The following CACNB2 variants were observed in gnomAD, a reference collection of about 807,000 sequenced individuals.
CACNB2 encodes the protein voltage-dependent L-type calcium channel subunit beta-2.
CACNB2 carries 42 observed loss-of-function variants against 73.3 expected under a neutral mutation model. The observed-to-expected ratio is 0.57, with a 90% confidence interval of 0.45 to 0.74. CACNB2 has a LOEUF of 0.74. Ranked by LOEUF, CACNB2 falls within the 30% of genes least tolerant of loss-of-function variation. The pLI is 0.00. For synonymous variants in CACNB2, 348 were observed against 310.3 expected, an observed-to-expected ratio of 1.12 and a Z score of -1.28; for missense variants, 940 against 853.0, an observed-to-expected ratio of 1.10 and a Z score of -1.27.
chr10:18,505,599 C>T (rs2050445221), intron 5 of CACNB2, among the ~76,000 whole-genome samples: 2 of 152,116 alleles, frequency 1.3e-5, no homozygotes, highest in African/African-American at 2.4e-5. Context: ...TCAACTAGAC[C>T]CTGGCTCGGC....
intron 6 of CACNB2, among the ~76,000 whole-genome samples, chr10:18,508,382 G>A (rs959475146): frequency 1.3e-5 from 2 of 152,292 alleles, no homozygotes; most frequent in South Asian, 4.1e-4. Flanking sequence ...AATCCACAGA[G>A]GAAGGGAGGC....
At chr10:18,340,909 A>C in intron 2 of CACNB2, 2 of 1,614,138 alleles carry the variant, frequency 1.2e-6, no homozygotes, top group Non-Finnish European at 1.7e-6. Context: ...TGCTGGGCGC[A>C]CTTGGAATTG....
At chr10:18,321,105 A>T (rs1282346949) in intron 2 of CACNB2, among the ~76,000 whole-genome samples, 3 of 152,246 alleles carry the variant, frequency 2.0e-5, no homozygotes, top group African/African-American at 7.2e-5. Context: ...GAAACAGAGA[A>T]TTGAGAAAGC....
chr10:18,456,524 T>C (rs1184916480), intron 3 of CACNB2, among the ~76,000 whole-genome samples: 1 of 152,086 alleles, frequency 6.6e-6, no homozygotes, highest in Non-Finnish European at 1.5e-5. Context: ...AGCGCCAAGA[T>C]ATAGTGCTAA....
chr10:18,469,146 G>A (rs1008632226), intron 3 of CACNB2, among the ~76,000 whole-genome samples: 5 of 152,142 alleles, frequency 3.3e-5, no homozygotes, highest in Admixed American at 3.3e-4. Flanking sequence ...AGGCTGAGGT[G>A]GGAGGATTGC....
intron 6 of CACNB2, among the ~76,000 whole-genome samples, chr10:18,508,550 C>A (rs1344641057): frequency 6.6e-6 from 1 of 152,204 alleles, no homozygotes; most frequent in African/African-American, 2.4e-5. Flanking sequence ...AGCAGCAGTT[C>A]TGCCTGCAAA....
At chr10:18,402,475 G>A (rs964739550) in intron 3 of CACNB2, among the ~76,000 whole-genome samples, 2 of 150,744 alleles carry the variant, frequency 1.3e-5, no homozygotes, top group African/African-American at 4.9e-5. Flanking sequence ...TTACTTCATA[G>A]GTGTTTTATG....
chr10:18,229,360 T>A (rs2036138556), intron 2 of CACNB2, among the ~76,000 whole-genome samples: 2 of 152,200 alleles, frequency 1.3e-5, no homozygotes, highest in Non-Finnish European at 2.9e-5. Flanking sequence ...GTATTTCTGC[T>A]TGGGAAAATA....
At chr10:18,347,323 G>T (rs1159645838) in intron 2 of CACNB2, among the ~76,000 whole-genome samples, 1 of 148,884 alleles carries the variant, frequency 6.7e-6, no homozygotes, top group East Asian at 2.0e-4. Context: ...GACTACAGGC[G>T]CATGCCGCCA....
intron 2 of CACNB2, among the ~76,000 whole-genome samples, chr10:18,258,347 T>C (rs1214623195): frequency 1.3e-5 from 2 of 152,226 alleles, no homozygotes; most frequent in Non-Finnish European, 2.9e-5. Context: ...AGTGTTTTCA[T>C]CTTATTCTAA....
chr10:18,418,215 C>T (rs538254011), intron 3 of CACNB2, among the ~76,000 whole-genome samples: 2 of 152,298 alleles, frequency 1.3e-5, no homozygotes, highest in Non-Finnish European at 2.9e-5. Flanking sequence ...GTTGGGACTA[C>T]AGGCGCACGC....
intron 2 of CACNB2, among the ~76,000 whole-genome samples, chr10:18,198,040 A>C (rs2034705581): frequency 6.8e-6 from 1 of 148,096 alleles, no homozygotes; most frequent in South Asian, 2.1e-4. Context: ...TAATATACAG[A>C]AAATATACAT....
At chr10:18,473,682 C>T (rs940231956) in intron 3 of CACNB2, among the ~76,000 whole-genome samples, 7 of 152,078 alleles carry the variant, frequency 4.6e-5, no homozygotes, top group Non-Finnish European at 7.3e-5. Flanking sequence ...ATCAGTCACC[C>T]GGAGAATTCA....
chr10:18,448,018 G>T (rs1385305763), intron 3 of CACNB2, among the ~76,000 whole-genome samples: 1 of 152,082 alleles, frequency 6.6e-6, no homozygotes, highest in Non-Finnish European at 1.5e-5. Context: ...TAGAGATAGG[G>T]TCTTGCTCTG....
intron 3 of CACNB2, among the ~76,000 whole-genome samples, chr10:18,494,065 G>A (rs2049625057): frequency 1.3e-5 from 2 of 152,102 alleles, no homozygotes; most frequent in African/African-American, 4.8e-5. Context: ...CAAGAAAGGA[G>A]GCACGTTCCA....
chr10:18,432,528 A>G (rs1313166910), intron 3 of CACNB2, among the ~76,000 whole-genome samples: 1 of 151,884 alleles, frequency 6.6e-6, no homozygotes, highest in Non-Finnish European at 1.5e-5. Context: ...AAAATATAAA[A>G]ATACATTTTC....
chr10:18,396,411 C>A (rs1398875516), intron 2 of CACNB2, among the ~76,000 whole-genome samples: 3 of 152,196 alleles, frequency 2.0e-5, no homozygotes, highest in African/African-American at 7.2e-5. Flanking sequence ...TCCCTTCCCC[C>A]ACAGACAATA....
At chr10:18,201,699 A>G (rs141226638) in intron 2 of CACNB2, among the ~76,000 whole-genome samples, 2 of 152,270 alleles carry the variant, frequency 1.3e-5, no homozygotes, top group African/African-American at 4.8e-5. Flanking sequence ...TTGAACACTA[A>G]TTTCTTGAAC....
At chr10:18,432,847 C>T (rs1326950022) in intron 3 of CACNB2, among the ~76,000 whole-genome samples, 1 of 150,994 alleles carries the variant, frequency 6.6e-6, no homozygotes, top group East Asian at 1.9e-4. Context: ...AACAAACAAA[C>T]AAACAAACAA....
Sources: gnomAD v4.1 joint callset for allele counts (sites outside exome capture counted in the v4.1 genomes callset) on GRCh38, gnomAD v4.1.1 for gene constraint, MANE v1.5 for transcripts, NCBI Gene and HGNC (gene_info 2026-07-23, HGNC 2026-07-21) for gene names.